The following LARGE1 variants were observed in gnomAD, a reference collection of about 807,000 sequenced individuals.
The protein encoded by LARGE1 is xylosyl- and glucuronyltransferase LARGE1.
In LARGE1, 43 loss-of-function variants were observed where a neutral mutation model predicts 87.6. The ratio of observed to expected loss-of-function variants is 0.49; its 90% CI spans 0.38 to 0.63. The LOEUF (loss-of-function observed/expected upper bound fraction) is 0.63. Among genes scored for constraint, LARGE1 ranks in the 30% least tolerant of loss-of-function variants. The probability of loss-of-function intolerance (pLI) is 0.00; values close to 1 mark genes in which losing one functional copy is unlikely to be tolerated. For synonymous variants in LARGE1, 434 were observed against 394.6 expected, an observed-to-expected ratio of 1.10 and a Z score of -1.18; for missense variants, 802 against 1,000.2, an observed-to-expected ratio of 0.80 and a Z score of 2.67.
intron 6 of LARGE1, among the ~76,000 whole-genome samples, chr22:33,473,761 C>T (rs547741092): frequency 1.3e-5 from 2 of 152,218 alleles, no homozygotes; most frequent in South Asian, 2.1e-4. Context: ...ATACCTTCTA[C>T]ATACACAAGG....
At chr22:33,231,796 T>G (rs1445057650) in intron 11 of LARGE1, among the ~76,000 whole-genome samples, 2 of 152,202 alleles carry the variant, frequency 1.3e-5, no homozygotes, top group African/African-American at 4.8e-5. Flanking sequence ...TTTCATCACT[T>G]TACTTTTGCT....
chr22:33,715,849 T>A (rs1368224601), intron 2 of LARGE1, among the ~76,000 whole-genome samples: 3 of 152,206 alleles, frequency 2.0e-5, no homozygotes, highest in South Asian at 4.1e-4. Context: ...AGGGCCTCCA[T>A]GGAAACGCGG....
At chr22:33,817,718 A>G (rs2146227169) in intron 1 of LARGE1, among the ~76,000 whole-genome samples, 1 of 152,294 alleles carries the variant, frequency 6.6e-6, no homozygotes, top group Admixed American at 6.5e-5. Context: ...AATCTGCCCT[A>G]GCATCACAGA....
intron 1 of LARGE1, among the ~76,000 whole-genome samples, chr22:33,809,379 C>T (rs1395364601): frequency 2.0e-5 from 3 of 152,204 alleles, no homozygotes; most frequent in Non-Finnish European, 2.9e-5. Context: ...ATGTTCCATG[C>T]CCTCAATAAG....
At chr22:33,920,688 G>T (rs2065922601), upstream of LARGE1, among the ~76,000 whole-genome samples, 1 of 145,578 alleles carries the variant, frequency 6.9e-6, no homozygotes, top group Non-Finnish European at 1.5e-5. Context: ...CGAGTGGATC[G>T]CGGCGCGGTG....
At chr22:33,442,177 C>T (rs111594507) in intron 6 of LARGE1, among the ~76,000 whole-genome samples, 122 of 152,258 alleles carry the variant, frequency 8.0e-4, no homozygotes, top group African/African-American at 2.4e-3. Flanking sequence ...AAATGAGCTC[C>T]CTTTCTAGGG....
intron 6 of LARGE1, among the ~76,000 whole-genome samples, chr22:33,492,592 C>T (rs2069901334): frequency 6.6e-6 from 1 of 152,322 alleles, no homozygotes. Context: ...TCTGAAGGCA[C>T]AGGCTGCAAG....
At chr22:33,786,652 C>T (rs1433525445) in intron 1 of LARGE1, among the ~76,000 whole-genome samples, 1 of 152,220 alleles carries the variant, frequency 6.6e-6, no homozygotes, top group African/African-American at 2.4e-5. Flanking sequence ...AGGTCTCACT[C>T]AGCTTAATTC....
At chr22:33,702,833 A>G (rs2082440123) in intron 2 of LARGE1, among the ~76,000 whole-genome samples, 1 of 152,196 alleles carries the variant, frequency 6.6e-6, no homozygotes, top group Non-Finnish European at 1.5e-5. Flanking sequence ...AAGATATTAG[A>G]TAAGCAAGGA....
intron 6 of LARGE1, among the ~76,000 whole-genome samples, chr22:33,559,189 C>A (rs1347565385): frequency 6.6e-6 from 1 of 152,118 alleles, no homozygotes; most frequent in Non-Finnish European, 1.5e-5. Context: ...TGATGGTACA[C>A]CTTTTTTTTG....
Position 33,193,250 on chromosome 22 carries a change from T to G in LARGE1, c.1731-26418A>C, listed in dbSNP as rs1210830565. On this transcript the variant is annotated intron_variant, in intron 11 of 11. Transcript: ENST00000608642. ...AACCTAAATCACTAAGTACAACCCA[T>G]TTTATTACTTTTTAAAAATATTATA... Among the ~76,000 whole-genome samples, 3 of 152,276 alleles carry G rather than the reference T, an allele frequency of 2.0e-5. No homozygotes were observed. The East Asian group carries it at 5.8e-4, about 29-fold the overall frequency.
chr22:33,676,734 A>C (rs1323031125), intron 2 of LARGE1, among the ~76,000 whole-genome samples: 1 of 152,182 alleles, frequency 6.6e-6, no homozygotes, highest in African/African-American at 2.4e-5. Flanking sequence ...AATATTTTAG[A>C]CTTTGTGGGC....
chr22:33,279,534 G>T lies in LARGE1; in HGVS notation c.1878-2279C>A, dbSNP rs529145020. ...GGAACTGGCCAGTGCAGCTGAATGG[G>T]CACTGGCCAATGGGTGGGCTTTGAT... On this transcript the variant is annotated intron_variant, in intron 13 of 14. Coordinates refer to ENST00000397394, the MANE Select transcript of LARGE1 (RefSeq NM_133642.5). Among the ~76,000 whole-genome samples the T allele has an allele frequency of 1.2e-3, 183 of 152,324 alleles. 2 individuals carry two copies. Among genetic ancestry groups the T allele is most frequent in the African/African-American group, 4.4e-3 (181 of 41,568 alleles).
intron 4 of LARGE1, among the ~76,000 whole-genome samples, chr22:33,620,034 T>C (rs2079698757): frequency 6.6e-6 from 1 of 152,190 alleles, no homozygotes; most frequent in South Asian, 2.1e-4. Context: ...CTTTGTTTTA[T>C]TCAAATCCTA....
intron 6 of LARGE1, among the ~76,000 whole-genome samples, chr22:33,504,353 G>A (rs575626579): frequency 4.6e-5 from 7 of 152,270 alleles, no homozygotes; most frequent in East Asian, 1.9e-4. Flanking sequence ...TCCGCCTCCC[G>A]GGTTCAAGCA....
At chr22:33,833,734 C>T (rs151049359) in intron 1 of LARGE1, among the ~76,000 whole-genome samples, 2 of 152,270 alleles carry the variant, frequency 1.3e-5, no homozygotes, top group African/African-American at 4.8e-5. Flanking sequence ...GTTGCCCAGG[C>T]TGGAGTGCAA....
At chr22:33,471,280 G>A (rs901241179) in intron 6 of LARGE1, among the ~76,000 whole-genome samples, 13 of 152,068 alleles carry the variant, frequency 8.5e-5, no homozygotes, top group African/African-American at 3.1e-4. Flanking sequence ...CTGACCTCAA[G>A]TGATCTACCC....
intron 11 of LARGE1, among the ~76,000 whole-genome samples, chr22:33,206,642 C>T (rs1924701093): frequency 6.6e-6 from 1 of 152,184 alleles, no homozygotes; most frequent in African/African-American, 2.4e-5. Flanking sequence ...ATATGGAAAG[C>T]ATAGCACAGT....
chr22:33,476,336 G>A (rs986289391), intron 6 of LARGE1, among the ~76,000 whole-genome samples: 3 of 152,200 alleles, frequency 2.0e-5, no homozygotes, highest in African/African-American at 4.8e-5. Context: ...TAAATTGTGT[G>A]TTCAGTGAAT....
Sources: allele counts gnomAD v4.1 joint callset (sites outside exome capture counted in the v4.1 genomes callset), GRCh38; gene constraint gnomAD v4.1.1; transcripts MANE v1.5; gene names NCBI Gene and HGNC (gene_info 2026-07-23, HGNC 2026-07-21).